Variants in RBM17 observed in about 807,000 individuals in gnomAD.
RBM17 encodes the protein RNA binding motif protein 17.
RBM17 carries 7 observed loss-of-function variants against 53.2 expected under a neutral mutation model. That is an observed-to-expected ratio of 0.13 (90% CI 0.07 to 0.25). RBM17 has a LOEUF of 0.25. Ranked by LOEUF, RBM17 falls within the 10% of genes least tolerant of loss-of-function variation. The pLI, the probability that RBM17 is intolerant of heterozygous loss-of-function variation, is 1.00. For missense variants in RBM17, 257 were observed against 496.7 expected, an observed-to-expected ratio of 0.52 and a Z score of 4.59; for synonymous variants, 167 against 178.1, an observed-to-expected ratio of 0.94 and a Z score of 0.50.
chr10:6,093,060 G>C (rs1463337792), intron 1 of RBM17, among the ~76,000 whole-genome samples: 1 of 152,148 alleles, frequency 6.6e-6, no homozygotes, highest in Non-Finnish European at 1.5e-5. Context: ...ACTGTTGGCA[G>C]CTGAGATCTA....
In RBM17 at chr10:6,089,934, C is replaced by T. The variant is rs1554834268; in HGVS notation, c.-19+741C>T. On this transcript the variant is annotated intron_variant, in intron 1 of 11. Coordinates refer to ENST00000379888, the MANE Select transcript of RBM17 (RefSeq NM_032905.5). This position sits in a 1 kb window ranked among gnomAD's most constrained non-coding sequence, Gnocchi z 5.6. ...GCAAGTGGGGTCTGGAAGGACCTCT[C>T]TTGAGAGAGGAGGTCATGCTTATGT... 1.3e-5 allele frequency: 2 copies of T among 152,182 alleles called. No individual in the cohort carries two copies. The highest frequency in any genetic ancestry group is 2.4e-5 in the African/African-American group (1 of 41,408). 9.4% of individuals were successfully genotyped at this position (152,182 alleles called of 1,614,324 possible).
Position 6,115,573 on chromosome 10 carries a change from A to G in RBM17, c.*17A>G, listed in dbSNP as rs1351053477. On this transcript the variant is annotated 3_prime_UTR_variant, in exon 12 of 12. Coordinates refer to ENST00000379888, the MANE Select transcript of RBM17 (RefSeq NM_032905.5). ...CAAGTTTGATTTTAAGAACTAGAGC[A>G]CGAGTCATCTCCGGTGATCCTTAAA... 2.1e-6 allele frequency: 3 copies of G among 1,451,258 alleles called. No homozygotes were observed. In the Admixed American group the frequency reaches 5.0e-5, roughly 24 times the overall value. 89.9% of individuals were successfully genotyped at this position (1,451,258 alleles called of 1,614,324 possible). A position where few individuals can be genotyped will look rare whatever the true frequency, so the allele number is the denominator to read the frequency against.
At position 6,112,346 on chromosome 10, in the gene RBM17, G is replaced by T; in HGVS notation, c.841G>T (p.Asp281Tyr). ...GCGTGGCGGCAAGATCATCGTGGGC[G>T]ACGCCACAGAGAAAGGTGTGTCCCC... ...SKRGGKIIVG[D>Y]ATEKDASKKS... Residue 281 changes from aspartate to tyrosine, a missense_variant, in exon 8 of 12, where the codon GAC (aspartate) becomes TAC (tyrosine). By Grantham distance (160) the Asp-to-Tyr change is radical. Transcript: ENST00000379888. The surrounding 1 kb of genome is among the most constrained non-coding windows in gnomAD (Gnocchi z 4.4). 1.2e-6 allele frequency: 2 copies of T among 1,613,954 alleles called. No homozygotes were observed. The highest frequency in any genetic ancestry group is 1.1e-5 in the South Asian group (1 of 91,054).
At chr10:6,092,997 C>G (rs2132936739) in intron 1 of RBM17, among the ~76,000 whole-genome samples, 1 of 152,258 alleles carries the variant, frequency 6.6e-6, no homozygotes, top group East Asian at 1.9e-4. Context: ...CTCATAAAAT[C>G]TCATTAATTC....
intron 2 of RBM17, among the ~76,000 whole-genome samples, chr10:6,098,564 T>TGTTTTTTG (rs1491275678): frequency 3.2e-5 from 1 of 31,628 alleles, no homozygotes; most frequent in African/African-American, 1.6e-4. Context: ...AGGTTTTTTG[T>TGTTTTTTG]TTTTTTTTTT....
chr10:6,113,171 T>C, intron 8 of RBM17: 1 of 227,886 alleles, frequency 4.4e-6, no homozygotes, highest in Non-Finnish European at 8.8e-6. Flanking sequence ...GCCCGTGACC[T>C]TGAACGTTTG....
intron 2 of RBM17, 44 bp downstream of exon 2, chr10:6,097,232 G>T (rs1313718318): frequency 6.3e-7 from 1 of 1,596,780 alleles, no homozygotes; most frequent in Non-Finnish European, 8.5e-7. Context: ...CTCCAGAGTG[G>T]GTTCCTCATT....
At chr10:6,091,008 A>T (rs1462733385) in intron 1 of RBM17, among the ~76,000 whole-genome samples, 20 of 72,484 alleles carry the variant, frequency 2.8e-4, no homozygotes, top group African/African-American at 4.4e-4. Flanking sequence ...TAAATATATA[A>T]ATATTTATAT....
At chr10:6,090,274 A>G (rs563487729) in intron 1 of RBM17, among the ~76,000 whole-genome samples, 2 of 152,364 alleles carry the variant, frequency 1.3e-5, no homozygotes, top group Admixed American at 6.5e-5. Flanking sequence ...GTAGATGTGC[A>G]CTGGCTCCCC....
At chr10:6,091,179 C>T (rs989307406) in intron 1 of RBM17, among the ~76,000 whole-genome samples, 6 of 151,886 alleles carry the variant, frequency 4.0e-5, no homozygotes, top group Non-Finnish European at 8.8e-5. Context: ...TGGCCTCAAC[C>T]TCCTGAGTAG....
At chr10:6,093,736 G>A (rs536932272) in intron 1 of RBM17, among the ~76,000 whole-genome samples, 5 of 152,322 alleles carry the variant, frequency 3.3e-5, no homozygotes, top group South Asian at 2.1e-4. Flanking sequence ...CTTGGGACCA[G>A]AAGTGTTTCA....
At chr10:6,115,165 AAT>A in intron 10 of RBM17, 72 bp from the exon 11 acceptor site, 1 of 1,146,186 alleles carries the variant, frequency 8.7e-7, no homozygotes, top group Non-Finnish European at 1.3e-6. Context: ...CACTCTGAGA[AAT>A]CATTTAAAAG....
Position 6,091,041 on chromosome 10 carries a change from T to TATATATTTA in RBM17, c.-19+1848_-19+1849insATATATTTA, listed in dbSNP as rs1564564096. On this transcript the variant is annotated intron_variant, in intron 1 of 11. Coordinates refer to ENST00000379888, the MANE Select transcript of RBM17 (RefSeq NM_032905.5). ...TATATTTATATATATTTATATATTT[T>TATATATTTA]TATATATATATTTATATACATATAT... Among the ~76,000 whole-genome samples, 309 of 139,410 alleles carry TATATATTTA rather than the reference T, an allele frequency of 2.2e-3. 2 individuals carry two copies. The highest frequency in any genetic ancestry group is 6.8e-3 in the African/African-American group (263 of 38,422). The allele number at this position is 139,410 out of a possible 152,430, so 91.5% of individuals were successfully genotyped here. A position where few individuals can be genotyped will look rare whatever the true frequency, so the allele number is the denominator to read the frequency against.
rs1332985195 is a variant in RBM17, at chr10:6,089,087, G to C, written c.-125G>C. On this transcript the variant is annotated 5_prime_UTR_variant, in exon 1 of 12. Transcript: ENST00000379888. This position sits in a 1 kb window ranked among gnomAD's most constrained non-coding sequence, Gnocchi z 5.6. ...GAGCGCCCTGAGGACTCAGCGAAGG[G>C]TGGGCGCCGCCGAGGCCTCCTGCCG... 6.4e-6 allele frequency: 1 copy of C among 157,156 alleles called. No homozygotes were observed. The highest frequency in any genetic ancestry group is 1.4e-5 in the Non-Finnish European group (1 of 71,454). 9.7% of individuals were successfully genotyped at this position (157,156 alleles called of 1,614,324 possible). A position where few individuals can be genotyped will look rare whatever the true frequency, so the allele number is the denominator to read the frequency against.
At chr10:6,105,420 C>A (rs1271982851) in intron 4 of RBM17, among the ~76,000 whole-genome samples, 1 of 152,198 alleles carries the variant, frequency 6.6e-6, no homozygotes, top group East Asian at 1.9e-4. Flanking sequence ...AATCCGAAAT[C>A]TGAAATGCTC....
At chr10:6,108,846 C>T (rs546456803) in intron 6 of RBM17, 104 bp downstream of exon 6, 32 of 815,666 alleles carry the variant, frequency 3.9e-5, no homozygotes, top group Admixed American at 5.1e-5. Flanking sequence ...TAGAGGGAAA[C>T]GGCCTGCAAG....
Position 6,115,224 on chromosome 10 carries a change from C to G in RBM17, c.1030-15C>G, listed in dbSNP as rs1202524503. The G allele has an allele frequency of 1.2e-6, 2 of 1,607,054 alleles. No homozygotes were observed. Among genetic ancestry groups the G allele is most frequent in the Non-Finnish European group, 1.7e-6 (2 of 1,177,126 alleles). ...CTCAAATGCCTTTACTCATCACGCT[C>G]TCATTTTCTTCCAGATTCCTGGTGC... On this transcript the variant is annotated splice_polypyrimidine_tract_variant and intron_variant, in intron 10 of 11. Coordinates refer to ENST00000379888, the MANE Select transcript of RBM17 (RefSeq NM_032905.5).
chr10:6,095,975 C>T (rs1200052367), intron 1 of RBM17, among the ~76,000 whole-genome samples: 1 of 152,150 alleles, frequency 6.6e-6, no homozygotes, highest in African/African-American at 2.4e-5. Context: ...GCAAATTAGG[C>T]TTTTCAATAA....
chr10:6,108,806 C>T, intron 6 of RBM17, 64 bp downstream of exon 6: 1 of 1,321,186 alleles, frequency 7.6e-7, no homozygotes, highest in Non-Finnish European at 1.1e-6. Flanking sequence ...CATGGGGGAT[C>T]TCAGCTTGGG....
Sources: gnomAD v4.1 joint callset for allele counts (sites outside exome capture counted in the v4.1 genomes callset) on GRCh38, gnomAD v4.1.1 for gene constraint, Gnocchi (gnomAD v3.1) non-coding constraint, MANE v1.5 for transcripts, NCBI Gene and HGNC (gene_info 2026-07-23, HGNC 2026-07-21) for gene names.